The following POP4 variants were observed in gnomAD, a reference collection of about 807,000 sequenced individuals.
POP4 encodes the protein ribonuclease P protein subunit p29.
POP4 carries 31 observed loss-of-function variants against 29.9 expected under a neutral mutation model. That is an observed-to-expected ratio of 1.04 (90% CI 0.78 to 1.40). The LOEUF (loss-of-function observed/expected upper bound fraction) is 1.40. Among genes scored for constraint, POP4 ranks in the 40% most tolerant of loss-of-function variants. The pLI is 0.00. For missense variants in POP4, 286 were observed against 282.7 expected (o/e 1.01, Z -0.08); for synonymous variants, 110 against 108.2 (o/e 1.02, Z -0.10).
At chr19:29,610,834 C>G in intron 3 of POP4, 1 of 579,934 alleles carries the variant, frequency 1.7e-6, no homozygotes, top group South Asian at 2.1e-5. Context: ...TGTCTGGCCT[C>G]TCTCCTCACC....
Position 29,615,549 on chromosome 19 carries a change from T to C in POP4, c.*169T>C. ...ACAACATGGGAAGGTCGCAGCGTAC[T>C]AAGTGAAGAAGTCAGAGGACAGAGG... is the stretch of plus-strand genomic sequence containing the variant. On this transcript the variant is annotated 3_prime_UTR_variant, in exon 7 of 7. Transcript: ENST00000585603. 4.7e-6 allele frequency: 3 copies of C among 633,860 alleles called. No individual in the cohort carries two copies. The highest frequency in any genetic ancestry group is 7.6e-6 in the Non-Finnish European group (3 of 393,566). 39.3% of individuals were successfully genotyped at this position (633,860 alleles called of 1,614,324 possible).
rs1311912300 is a variant in POP4, at chr19:29,615,101, C to CCT, written c.527-141_527-140dup. 5.1e-6 allele frequency: 5 copies of CCT among 985,586 alleles called. No homozygotes were observed. The African/African-American group carries it at 6.6e-5, about 13-fold the overall frequency. 61.1% of individuals were successfully genotyped at this position (985,586 alleles called of 1,614,324 possible). ...AATAACCACAGGCAACCCTAATGCC[C>CCT]CTCCCCTTGTGGGTTTCCCGTTTCC... On this transcript the variant is annotated intron_variant, in intron 6 of 6. Coordinates refer to ENST00000585603, the MANE Select transcript of POP4 (RefSeq NM_006627.3).
chr19:29,608,848 A>C (rs778953479), intron 2 of POP4, 139 bp downstream of exon 2: 2 of 811,576 alleles, frequency 2.5e-6, no homozygotes, highest in Non-Finnish European at 4.0e-6. Context: ...CTAAGGCTGG[A>C]TCAAAGTCTG....
intron 2 of POP4, among the ~76,000 whole-genome samples, chr19:29,609,675 C>T (rs919053990): frequency 3.9e-5 from 6 of 152,172 alleles, no homozygotes; most frequent in South Asian, 2.1e-4. Context: ...CACACAATTA[C>T]GACAGTCATT....
rs1034876887 is a variant in POP4 at position 29,610,753 on chromosome 19, C to T, written c.284+121C>T. 3 of 999,284 alleles carry T rather than the reference C, an allele frequency of 3.0e-6. No homozygotes were observed. In the Admixed American group the frequency reaches 7.7e-5, roughly 26 times the overall value. 61.9% of individuals were successfully genotyped at this position (999,284 alleles called of 1,614,324 possible). A position where few individuals can be genotyped will look rare whatever the true frequency, so the allele number is the denominator to read the frequency against. On this transcript the variant is annotated intron_variant, in intron 3 of 6. Coordinates refer to ENST00000585603, the MANE Select transcript of POP4 (RefSeq NM_006627.3). ...TAAGCTAAGGGGGCCTCTCTGTCGTCTGCCACAAGAGGGCAGCCTTCCTTT... is the reference window on the plus strand; with the variant it reads ...TAAGCTAAGGGGGCCTCTCTGTCGTTTGCCACAAGAGGGCAGCCTTCCTTT...
intron 2 of POP4, 176 bp downstream of exon 2, chr19:29,608,885 C>G: frequency 1.7e-6 from 1 of 577,754 alleles, no homozygotes; most frequent in East Asian, 3.0e-5. Flanking sequence ...TTCCCACGTG[C>G]CAGCCTCCTT....
chr19:29,612,365 C>T (rs918788532), intron 5 of POP4, among the ~76,000 whole-genome samples, 187 bp downstream of exon 5: 10 of 152,104 alleles, frequency 6.6e-5, no homozygotes, highest in African/African-American at 1.7e-4. Flanking sequence ...TTAGCCAGTC[C>T]GGCCATTTGC....
chr19:29,607,938 AT>A (rs778100281), intron 1 of POP4, among the ~76,000 whole-genome samples: 5 of 152,242 alleles, frequency 3.3e-5, no homozygotes, highest in Non-Finnish European at 5.9e-5. Flanking sequence ...AACTTGGGGT[AT>A]TTTAAACCAA....
rs951546242 is a variant in POP4, at chr19:29,615,150, A to G, written c.527-94A>G. ...CCTATTAGCTTATTTTTTTCATTCA[A>G]TGTGTTCTGAATAATATTCTACCTA... On this transcript the variant is annotated intron_variant, in intron 6 of 6. Coordinates refer to ENST00000585603, the MANE Select transcript of POP4 (RefSeq NM_006627.3). The G allele has an allele frequency of 3.6e-5, 49 of 1,343,294 alleles. 1 individual carries two copies. Among genetic ancestry groups the G allele is most frequent in the South Asian group, 8.4e-5 (5 of 59,622 alleles). 83.2% of individuals were successfully genotyped at this position (1,343,294 alleles called of 1,614,324 possible).
intron 3 of POP4, 113 bp from the exon 4 acceptor site, chr19:29,611,749 C>A: frequency 1.2e-6 from 1 of 855,386 alleles, no homozygotes; most frequent in Admixed American, 2.0e-5. Flanking sequence ...CACATAGTTC[C>A]TAATGATCCC....
At chr19:29,607,511 G>A (rs1971013793) in intron 1 of POP4, among the ~76,000 whole-genome samples, 1 of 152,000 alleles carries the variant, frequency 6.6e-6, no homozygotes, top group Non-Finnish European at 1.5e-5. Context: ...ACATTCTCAG[G>A]GAAGTACAAG....
intron 2 of POP4, among the ~76,000 whole-genome samples, chr19:29,609,621 G>GTTTC (rs753507184): frequency 7.1e-6 from 1 of 141,058 alleles, no homozygotes; most frequent in African/African-American, 2.9e-5. Context: ...AGCTTGGAGG[G>GTTTC]TTTCTTTGTT....
At chr19:29,606,538 G>T in intron 1 of POP4, 1 of 526,484 alleles carries the variant, frequency 1.9e-6, no homozygotes, top group Non-Finnish European at 3.3e-6. Context: ...AGGGCTGGAG[G>T]CAGGTTCTCC....
intron 3 of POP4, 169 bp downstream of exon 3, chr19:29,610,801 G>T (rs1014373302): frequency 1.5e-6 from 1 of 662,006 alleles, no homozygotes; most frequent in African/African-American, 1.8e-5. Context: ...TGTGTTCAGC[G>T]AGGCGGGTGA....
chr19:29,610,697 T>A, intron 3 of POP4, 65 bp downstream of exon 3: 2 of 1,525,610 alleles, frequency 1.3e-6, no homozygotes, highest in African/African-American at 1.4e-5. Context: ...TGAACTTGGC[T>A]GAGTGGCTGG....
intron 1 of POP4, among the ~76,000 whole-genome samples, chr19:29,608,257 CTTTTCTT>C (rs1272473020): frequency 8.7e-6 from 1 of 115,538 alleles, no homozygotes; most frequent in African/African-American, 3.5e-5. Context: ...CTTTTCTTTT[CTTTTCTT>C]TTTTTTTTTT....
intron 2 of POP4, among the ~76,000 whole-genome samples, chr19:29,609,754 C>T (rs1011826068): frequency 7.9e-5 from 12 of 152,338 alleles, no homozygotes; most frequent in Admixed American, 6.5e-4. Flanking sequence ...CTCAGTGACA[C>T]CCTTCAGAGA....
At chr19:29,610,378 G>A (rs1971049497) in intron 2 of POP4, 31 bp from the exon 3 acceptor site, 2 of 1,525,768 alleles carry the variant, frequency 1.3e-6, no homozygotes, top group Non-Finnish European at 1.8e-6. Flanking sequence ...GACCGGAGCA[G>A]TGAGCGCCGC....
At chr19:29,613,698 C>G (rs1007972619) in intron 5 of POP4, 173 bp from the exon 6 acceptor site, 1 of 987,902 alleles carries the variant, frequency 1.0e-6, no homozygotes, top group Non-Finnish European at 1.4e-6. Context: ...AGCCTGGATT[C>G]TTGTTGGTTA....
Sources: gnomAD v4.1 joint callset for allele counts (sites outside exome capture counted in the v4.1 genomes callset) on GRCh38, gnomAD v4.1.1 for gene constraint, MANE v1.5 for transcripts, NCBI Gene and HGNC (gene_info 2026-07-23, HGNC 2026-07-21) for gene names.